Variants in BCAS3 observed in about 807,000 individuals in gnomAD.
The protein encoded by BCAS3 is BCAS4/BCAS3 fusion.
In BCAS3, 53 loss-of-function variants were observed where a neutral mutation model predicts 116.1. The observed-to-expected ratio is 0.46, with a 90% CI of 0.37 to 0.57. The LOEUF (loss-of-function observed/expected upper bound fraction) is 0.57, where lower values mean the gene tolerates loss of function less well. Among genes scored for constraint, BCAS3 ranks in the 20% least tolerant of loss-of-function variants. BCAS3 has a pLI of 0.00. For missense variants in BCAS3, 917 were observed against 1,165.4 expected (o/e 0.79, Z 3.10); for synonymous variants, 391 against 408.2 (o/e 0.96, Z 0.51).
chr17:60,783,547 G>T (rs2144501357), intron 6 of BCAS3, among the ~76,000 whole-genome samples: 1 of 152,286 alleles, frequency 6.6e-6, no homozygotes, highest in South Asian at 2.1e-4. Flanking sequence ...TCTGTGTGTG[G>T]CAGGGGCTAT....
Position 61,251,183 on chromosome 17 carries a change from G to C in BCAS3, c.2426-117144G>C, listed in dbSNP as rs766553299. Reference sequence around the variant, plus strand: ...GTGAGACATTGGAGGCCTCAGCCTGGTGTCCCAGACAGTATTTGTCAGGCT... The same window carrying C: ...GTGAGACATTGGAGGCCTCAGCCTGCTGTCCCAGACAGTATTTGTCAGGCT... On this transcript the variant is annotated intron_variant, in intron 22 of 23. Coordinates refer to ENST00000407086, the MANE Select transcript of BCAS3 (RefSeq NM_017679.5). The surrounding 1 kb of genome is among the most constrained non-coding windows in gnomAD (Gnocchi z 4.7). Among the ~76,000 whole-genome samples, 14 of 152,232 alleles carry C rather than the reference G, an allele frequency of 9.2e-5. No individual in the cohort carries two copies. The highest frequency in any genetic ancestry group is 1.8e-4 in the Non-Finnish European group (12 of 68,038).
At chr17:60,684,823 A>C (rs1023587802) in intron 3 of BCAS3, among the ~76,000 whole-genome samples, 1 of 152,092 alleles carries the variant, frequency 6.6e-6, no homozygotes, top group Non-Finnish European at 1.5e-5. Context: ...GTGTAACTGG[A>C]GTGTTCAAAA....
chr17:60,913,370 C>A (rs2058616968), intron 12 of BCAS3, among the ~76,000 whole-genome samples: 1 of 151,910 alleles, frequency 6.6e-6, no homozygotes, highest in South Asian at 2.1e-4. Context: ...AATTGATTTT[C>A]AATAAAAGGT....
At chr17:60,793,291 T>C (rs2046934482) in intron 6 of BCAS3, among the ~76,000 whole-genome samples, 1 of 152,156 alleles carries the variant, frequency 6.6e-6, no homozygotes, top group South Asian at 2.1e-4. Context: ...GAGATGGGGT[T>C]TCACCATCTT....
At chr17:60,895,219 T>C (rs574118585) in intron 10 of BCAS3, among the ~76,000 whole-genome samples, 1 of 152,278 alleles carries the variant, frequency 6.6e-6, no homozygotes, top group African/African-American at 2.4e-5. Context: ...CTTTATTACC[T>C]ACTCACTCTC....
intron 14 of BCAS3, among the ~76,000 whole-genome samples, chr17:60,978,978 C>G (rs1203327540): frequency 7.2e-6 from 1 of 139,158 alleles, no homozygotes; most frequent in African/African-American, 2.7e-5. Flanking sequence ...ATTGCCTTGG[C>G]GATGCGGGCT....
chr17:60,769,088 G>C (rs2044394357), intron 6 of BCAS3, among the ~76,000 whole-genome samples: 1 of 152,170 alleles, frequency 6.6e-6, no homozygotes, highest in Non-Finnish European at 1.5e-5. Flanking sequence ...CAGGAGGAGT[G>C]GTCAGGTGCC....
intron 22 of BCAS3, among the ~76,000 whole-genome samples, chr17:61,143,904 A>G (rs537727134): frequency 1.1e-4 from 17 of 152,210 alleles, no homozygotes; most frequent in Non-Finnish European, 2.4e-4. Context: ...GTGTCCTACC[A>G]TTGCTTTGGG....
intron 22 of BCAS3, among the ~76,000 whole-genome samples, chr17:61,225,350 T>A (rs2082318817): frequency 6.6e-6 from 1 of 152,188 alleles, no homozygotes; most frequent in Non-Finnish European, 1.5e-5. Flanking sequence ...TTCTGAAGTT[T>A]ACCTTTCACA....
chr17:61,044,799 G>A (rs564261284), intron 19 of BCAS3, among the ~76,000 whole-genome samples: 1 of 149,352 alleles, frequency 6.7e-6, no homozygotes, highest in South Asian at 2.1e-4. Context: ...TTGAGATGGA[G>A]TCTTGCTCTG....
Position 61,258,058 on chromosome 17 carries a change from G to A in BCAS3, c.2426-110269G>A, listed in dbSNP as rs943236809. ...ACTGTTCCTTCCTCTGAAGAGCCCT[G>A]CTCTTCTCAGTGTCCTTCATACACT... On this transcript the variant is annotated intron_variant, in intron 22 of 23. Coordinates refer to ENST00000407086, the MANE Select transcript of BCAS3 (RefSeq NM_017679.5). This position sits in a 1 kb window ranked among gnomAD's most constrained non-coding sequence, Gnocchi z 4.7. Among the ~76,000 whole-genome samples, 2 of 152,072 alleles carry A rather than the reference G, an allele frequency of 1.3e-5. No individual in the cohort carries two copies. The highest frequency in any genetic ancestry group is 2.1e-4 in the South Asian group (1 of 4,826).
intron 19 of BCAS3, among the ~76,000 whole-genome samples, chr17:61,067,309 ATATATATT>A (rs1214392531): frequency 7.4e-5 from 10 of 135,110 alleles, no homozygotes; most frequent in African/African-American, 2.5e-4. Flanking sequence ...ATATATATAT[ATATATATT>A]TATACAGACT....
intron 15 of BCAS3, among the ~76,000 whole-genome samples, chr17:61,002,245 T>TG (rs1398215297): frequency 1.8e-4 from 28 of 152,154 alleles, no homozygotes; most frequent in Non-Finnish European, 2.9e-4. Flanking sequence ...TATTTCATTT[T>TG]GGATATAACA....
chr17:61,263,787 A>G (rs1602270562), intron 22 of BCAS3, among the ~76,000 whole-genome samples: 1 of 152,246 alleles, frequency 6.6e-6, no homozygotes, highest in Non-Finnish European at 1.5e-5. Flanking sequence ...AAAGACAGAC[A>G]GTGGAACATA....
In BCAS3 at chr17:61,302,106, AC is replaced by A. The variant is rs1382405252; in HGVS notation, c.2426-66220del. On this transcript the variant is annotated intron_variant, in intron 22 of 23. Coordinates refer to ENST00000407086, the MANE Select transcript of BCAS3 (RefSeq NM_017679.5). The surrounding 1 kb of genome is among the most constrained non-coding windows in gnomAD (Gnocchi z 4.4). ...GAAAAAGTTGAGATTCTCTACACATACAGTCAGCTCATTACCTCCTCCCTGT... is the reference window on the plus strand; with the variant it reads ...GAAAAAGTTGAGATTCTCTACACATAAGTCAGCTCATTACCTCCTCCCTGT... Among the ~76,000 whole-genome samples, 2 of 152,134 alleles carry A rather than the reference AC, an allele frequency of 1.3e-5. No homozygotes were observed. Among genetic ancestry groups the A allele is most frequent in the African/African-American group, 4.8e-5 (2 of 41,422 alleles).
rs1389012826 is a variant in BCAS3 at position 61,258,870 on chromosome 17, A to G, written c.2426-109457A>G. Reference sequence around the variant, plus strand: ...GGATTTGTATTCGTAATTCCCCAAGATAAGATTTTACCGTCCCTCTTAATT... The same window carrying G: ...GGATTTGTATTCGTAATTCCCCAAGGTAAGATTTTACCGTCCCTCTTAATT... On this transcript the variant is annotated intron_variant, in intron 22 of 23. Transcript: ENST00000407086. The surrounding 1 kb of genome is among the most constrained non-coding windows in gnomAD (Gnocchi z 4.7). 6.6e-6 allele frequency among the ~76,000 whole-genome samples: 1 copy of G among 152,218 alleles called. No individual in the cohort carries two copies. Among genetic ancestry groups the G allele is most frequent in the Non-Finnish European group, 1.5e-5 (1 of 68,030 alleles).
At chr17:60,721,523 C>T (rs763271812) in intron 5 of BCAS3, among the ~76,000 whole-genome samples, 2 of 152,096 alleles carry the variant, frequency 1.3e-5, no homozygotes, top group East Asian at 1.9e-4. Context: ...CGAATAGTGG[C>T]GTGACTCTTG....
intron 5 of BCAS3, among the ~76,000 whole-genome samples, chr17:60,724,044 T>A (rs543561521): frequency 6.6e-6 from 1 of 152,078 alleles, no homozygotes; most frequent in African/African-American, 2.4e-5. Flanking sequence ...CTTAAAATTT[T>A]CTTTTGATGA....
chr17:61,062,851 A>G (rs971529667), intron 19 of BCAS3, among the ~76,000 whole-genome samples: 1 of 152,148 alleles, frequency 6.6e-6, no homozygotes, highest in East Asian at 1.9e-4. Flanking sequence ...GATTAGAAGC[A>G]AAAAGAAGTC....
Sources: gnomAD v4.1 joint callset for allele counts (sites outside exome capture counted in the v4.1 genomes callset) on GRCh38, gnomAD v4.1.1 for gene constraint, Gnocchi (gnomAD v3.1) non-coding constraint, MANE v1.5 for transcripts, NCBI Gene and HGNC (gene_info 2026-07-23, HGNC 2026-07-21) for gene names.